The following CCSER1 variants were observed in gnomAD, a reference collection of about 807,000 sequenced individuals.
The protein encoded by CCSER1 is serine-rich coiled-coil domain-containing protein 1.
In CCSER1, 41 loss-of-function variants were observed where a neutral mutation model predicts 82.0. That is an observed-to-expected ratio of 0.50 (90% CI 0.39 to 0.65). The LOEUF is 0.65. Ranked by LOEUF, CCSER1 falls within the 30% of genes least tolerant of loss-of-function variation. CCSER1 has a pLI of 0.00. For missense variants in CCSER1, 1,119 were observed against 1,064.2 expected, an observed-to-expected ratio of 1.05 and a Z score of -0.72; for synonymous variants, 414 against 383.9, an observed-to-expected ratio of 1.08 and a Z score of -0.92.
intron 1 of CCSER1, among the ~76,000 whole-genome samples, chr4:90,256,651 T>C (rs1379010681): frequency 6.6e-6 from 1 of 152,138 alleles, no homozygotes; most frequent in Non-Finnish European, 1.5e-5. Context: ...AGATTCATTA[T>C]AAGATATAAG....
intron 10 of CCSER1, among the ~76,000 whole-genome samples, chr4:91,241,809 T>C (rs1434897399): frequency 6.6e-6 from 1 of 152,176 alleles, no homozygotes; most frequent in African/African-American, 2.4e-5. Context: ...TATACCAAAA[T>C]GAATTGCAGC....
intron 1 of CCSER1, among the ~76,000 whole-genome samples, chr4:90,159,803 T>C (rs1020032849): frequency 2.0e-5 from 3 of 152,228 alleles, no homozygotes; most frequent in Non-Finnish European, 4.4e-5. Context: ...GATTGACATA[T>C]TTTGCCATAA....
intron 3 of CCSER1, among the ~76,000 whole-genome samples, chr4:90,390,800 C>T (rs964374881): frequency 1.3e-5 from 2 of 152,020 alleles, no homozygotes; most frequent in East Asian, 1.9e-4. Flanking sequence ...TTGATATATA[C>T]CAGTAATGGG....
chr4:91,177,454 T>G (rs956811440), intron 10 of CCSER1, among the ~76,000 whole-genome samples: 6 of 152,180 alleles, frequency 3.9e-5, no homozygotes, highest in Non-Finnish European at 7.4e-5. Context: ...GGTCCTGGAC[T>G]TTTTTTGGTT....
At chr4:90,217,702 G>T (rs1185447377) in intron 1 of CCSER1, among the ~76,000 whole-genome samples, 1 of 152,022 alleles carries the variant, frequency 6.6e-6, no homozygotes, top group Non-Finnish European at 1.5e-5. Context: ...TCCAGTTTTT[G>T]CCTGTTCACT....
intron 9 of CCSER1, among the ~76,000 whole-genome samples, chr4:90,971,930 A>G (rs1735149398): frequency 6.6e-6 from 1 of 151,960 alleles, no homozygotes; most frequent in African/African-American, 2.4e-5. Context: ...AAAGAAATTG[A>G]TGAAATTCAA....
chr4:91,391,534 C>T (rs565165179), intron 10 of CCSER1, among the ~76,000 whole-genome samples: 2 of 152,094 alleles, frequency 1.3e-5, no homozygotes, highest in African/African-American at 4.8e-5. Context: ...TTCCTGGGCT[C>T]AAGTGATCTA....
chr4:90,208,875 A>G (rs1196015905), intron 1 of CCSER1, among the ~76,000 whole-genome samples: 1 of 152,096 alleles, frequency 6.6e-6, no homozygotes, highest in Non-Finnish European at 1.5e-5. Context: ...CAGGTACTTC[A>G]GGTGGAAATG....
chr4:90,694,847 T>G (rs1037767122), intron 6 of CCSER1, among the ~76,000 whole-genome samples: 4 of 150,724 alleles, frequency 2.7e-5, no homozygotes, highest in Admixed American at 6.7e-5. Context: ...TGAAACCAAT[T>G]TAAATGCTGC....
chr4:91,549,996 C>G (rs1762085248), intron 10 of CCSER1, among the ~76,000 whole-genome samples: 1 of 151,588 alleles, frequency 6.6e-6, no homozygotes, highest in Admixed American at 6.6e-5. Context: ...TTTCTCTTTA[C>G]CCATGTGGAA....
At chr4:91,146,800 G>C (rs557124369) in intron 10 of CCSER1, among the ~76,000 whole-genome samples, 12 of 152,204 alleles carry the variant, frequency 7.9e-5, no homozygotes, top group African/African-American at 2.9e-4. Context: ...TTGTTTGGTG[G>C]TGTAGTTTAG....
Position 90,313,013 on chromosome 4 carries a change from G to C in CCSER1, c.1475G>C (p.Arg492Thr). Residue 492 changes from arginine to threonine, a missense_variant, in exon 3 of 11, where the codon AGA (arginine) becomes ACA (threonine). By Grantham distance (71) the Arg-to-Thr change is moderately conservative. Transcript: ENST00000509176. Reference sequence around the variant, plus strand: ...GAAGTTAATAGTTTAAGAAAGCAAAGAGCAGGTTCTTCATCTTCAAAAATG... The same window carrying C: ...GAAGTTAATAGTTTAAGAAAGCAAACAGCAGGTTCTTCATCTTCAAAAATG... ...IEEVNSLRKQ[R>T]AGSSSSKMNS... 3 of 1,605,144 alleles carry C rather than the reference G, an allele frequency of 1.9e-6. No individual in the cohort carries two copies. The highest frequency in any genetic ancestry group is 2.6e-6 in the Non-Finnish European group (3 of 1,175,304).
At position 91,283,865 on chromosome 4, in the gene CCSER1, T is replaced by A. The variant is rs141951384; in HGVS notation, c.2217+197871T>A. The stretch of plus-strand genomic sequence containing the variant: ...CTCGCAGGCAATTATGTGAGTCTCT[T>A]AAATTCAGCTCTGTGTTGTAAACAT... On this transcript the variant is annotated intron_variant, in intron 10 of 10. Transcript: ENST00000509176. 1.5e-3 allele frequency among the ~76,000 whole-genome samples: 235 copies of A among 152,200 alleles called. 2 individuals are homozygous for A. The highest frequency in any genetic ancestry group is 5.3e-3 in the African/African-American group (219 of 41,532).
chr4:91,337,995 T>C (rs1430951767), intron 10 of CCSER1, among the ~76,000 whole-genome samples: 2 of 152,144 alleles, frequency 1.3e-5, no homozygotes, highest in East Asian at 1.9e-4. Context: ...TTCCTGACTA[T>C]AGCTAATGCC....
chr4:91,093,006 A>T (rs984182552), intron 10 of CCSER1, among the ~76,000 whole-genome samples: 4 of 152,136 alleles, frequency 2.6e-5, no homozygotes, highest in Non-Finnish European at 5.9e-5. Flanking sequence ...CCCGAATTTA[A>T]TAGGCCTTTT....
chr4:90,352,305 C>G (rs1424745737), intron 3 of CCSER1, among the ~76,000 whole-genome samples: 2 of 151,956 alleles, frequency 1.3e-5, no homozygotes, highest in Non-Finnish European at 2.9e-5. Flanking sequence ...GCCTGGGCGA[C>G]AGACCGAGAC....
intron 1 of CCSER1, among the ~76,000 whole-genome samples, chr4:90,242,240 G>A (rs533528441): frequency 7.7e-4 from 118 of 152,338 alleles, no homozygotes; most frequent in Non-Finnish European, 1.5e-3. Context: ...ATGGGAGACG[G>A]AGCTTGCAGT....
At chr4:91,212,041 A>G (rs951300166) in intron 10 of CCSER1, among the ~76,000 whole-genome samples, 2 of 152,076 alleles carry the variant, frequency 1.3e-5, no homozygotes, top group Non-Finnish European at 2.9e-5. Flanking sequence ...AAAACATGAA[A>G]AAACAGTAAA....
chr4:90,804,501 T>C (rs1310854919), intron 7 of CCSER1, among the ~76,000 whole-genome samples: 1 of 152,170 alleles, frequency 6.6e-6, no homozygotes, highest in African/African-American at 2.4e-5. Flanking sequence ...TTGTGTCAGA[T>C]TTGTCAAAGA....
Sources: gnomAD v4.1 joint callset for allele counts (sites outside exome capture counted in the v4.1 genomes callset) on GRCh38, gnomAD v4.1.1 for gene constraint, MANE v1.5 for transcripts, NCBI Gene and HGNC (gene_info 2026-07-23, HGNC 2026-07-21) for gene names.